The following CASR variants were observed in gnomAD, a reference collection of about 807,000 sequenced individuals.
CASR encodes extracellular calcium-sensing receptor.
A neutral mutation model predicts 69.1 loss-of-function variants in CASR; 23 were observed. The observed-to-expected ratio is 0.33, with a 90% CI of 0.24 to 0.47. CASR has a LOEUF of 0.47. Among genes scored for constraint, CASR ranks in the 20% least tolerant of loss-of-function variants. The probability of loss-of-function intolerance (pLI) is 1.00; values close to 1 mark genes in which losing one functional copy is unlikely to be tolerated. For synonymous variants in CASR, 541 were observed against 544.7 expected (o/e 0.99, Z 0.10); for missense variants, 924 against 1,356.1 (o/e 0.68, Z 5.00).
intron 1 of CASR, among the ~76,000 whole-genome samples, chr3:122,221,025 C>G (rs1173388875): frequency 6.6e-6 from 1 of 152,058 alleles, no homozygotes; most frequent in African/African-American, 2.4e-5. Context: ...CTTCATCTTG[C>G]CTTCCTCCAG....
intron 1 of CASR, among the ~76,000 whole-genome samples, chr3:122,242,555 A>G (rs1258632314): frequency 6.6e-6 from 1 of 152,134 alleles, no homozygotes; most frequent in Non-Finnish European, 1.5e-5. Context: ...TATATTCCAT[A>G]TTCATGGATT....
At chr3:122,212,463 A>G (rs536786810) in intron 1 of CASR, among the ~76,000 whole-genome samples, 27 of 152,258 alleles carry the variant, frequency 1.8e-4, no homozygotes, top group Middle Eastern at 3.4e-3. Flanking sequence ...TGGGCTTAAT[A>G]CCTAGGTGAT....
At chr3:122,208,431 T>G (rs1377841102) in intron 1 of CASR, among the ~76,000 whole-genome samples, 2 of 152,300 alleles carry the variant, frequency 1.3e-5, no homozygotes, top group African/African-American at 2.4e-5. Flanking sequence ...CTTACATGCT[T>G]GATATATTTT....
intron 4 of CASR, among the ~76,000 whole-genome samples, chr3:122,262,783 T>C (rs1404244881): frequency 6.6e-6 from 1 of 152,192 alleles, no homozygotes; most frequent in African/African-American, 2.4e-5. Context: ...TGAGTACCTA[T>C]TACATTCCAT....
intron 1 of CASR, among the ~76,000 whole-genome samples, chr3:122,196,515 G>A (rs1233685001): frequency 6.6e-6 from 1 of 151,288 alleles, no homozygotes; most frequent in East Asian, 1.9e-4. Flanking sequence ...TGGTTTTTGG[G>A]GTTTTTTGTT....
chr3:122,204,138 C>T (rs2073983928), intron 1 of CASR, among the ~76,000 whole-genome samples: 2 of 152,040 alleles, frequency 1.3e-5, no homozygotes. Context: ...TTGAAATATA[C>T]AATAGATTAT....
rs1287902533 is a variant in CASR, at chr3:122,261,840, G to T, written c.805G>T (p.Val269Phe). ...AAATTCCACGGCCAAAGTCATCGTG[G>T]TTTTCTCCAGTGGCCCAGATCTTGA... The part of the protein sequence containing the change: ...IQNSTAKVIV[V>F]FSSGPDLEPL... The change falls in exon 4 of 7, where the codon GTT becomes TTT. Residue 269 changes from valine to phenylalanine, a missense_variant. Val to Phe is a conservative substitution (Grantham distance 50, BLOSUM62 -1). Transcript: ENST00000639785. 2 of 1,614,108 alleles carry T rather than the reference G, an allele frequency of 1.2e-6. No homozygotes were observed. The highest frequency in any genetic ancestry group is 1.7e-6 in the Non-Finnish European group (2 of 1,180,050).
At chr3:122,213,266 G>A (rs1467920303) in intron 1 of CASR, among the ~76,000 whole-genome samples, 1 of 152,116 alleles carries the variant, frequency 6.6e-6, no homozygotes, top group African/African-American at 2.4e-5. Flanking sequence ...AAAACCTAGT[G>A]CATTATTGTG....
intron 1 of CASR, among the ~76,000 whole-genome samples, chr3:122,218,214 C>T (rs1477357589): frequency 2.6e-5 from 4 of 151,762 alleles, no homozygotes; most frequent in African/African-American, 9.7e-5. Flanking sequence ...TAACACAGGG[C>T]CATAGTGGTA....
intron 3 of CASR, among the ~76,000 whole-genome samples, chr3:122,259,268 ACTC>A (rs1241386258): frequency 6.6e-6 from 1 of 151,876 alleles, no homozygotes; most frequent in Non-Finnish European, 1.5e-5. Context: ...TTTTTGAAAA[ACTC>A]AAGAAGCAAG....
At chr3:122,277,797 C>T (rs139762472) in intron 5 of CASR, among the ~76,000 whole-genome samples, 16 of 152,314 alleles carry the variant, frequency 1.1e-4, no homozygotes, top group African/African-American at 3.8e-4. Flanking sequence ...CAGCAGGGAG[C>T]TATCTCCTGT....
At chr3:122,236,453 T>C (rs1267509774) in intron 1 of CASR, among the ~76,000 whole-genome samples, 1 of 152,078 alleles carries the variant, frequency 6.6e-6, no homozygotes, top group Non-Finnish European at 1.5e-5. Context: ...CCTTCAAAAA[T>C]GGGAACAAAA....
At chr3:122,201,057 T>C (rs1287825721) in intron 1 of CASR, among the ~76,000 whole-genome samples, 2 of 150,878 alleles carry the variant, frequency 1.3e-5, no homozygotes, top group Non-Finnish European at 3.0e-5. Flanking sequence ...GAGGGGGATT[T>C]GGCAGGGTCA....
At chr3:122,249,280 G>A (rs1208363164) in intron 1 of CASR, among the ~76,000 whole-genome samples, 3 of 152,182 alleles carry the variant, frequency 2.0e-5, no homozygotes, top group African/African-American at 7.2e-5. Context: ...TATTTGCTCT[G>A]TGCTCCCTCA....
At chr3:122,267,477 G>A (rs1209543954) in intron 4 of CASR, among the ~76,000 whole-genome samples, 1 of 152,186 alleles carries the variant, frequency 6.6e-6, no homozygotes, top group East Asian at 1.9e-4. Flanking sequence ...AAAATTTGTG[G>A]ATACGGAGAA....
intron 1 of CASR, among the ~76,000 whole-genome samples, chr3:122,239,343 G>A (rs1468818029): frequency 6.6e-6 from 1 of 152,250 alleles, no homozygotes; most frequent in African/African-American, 2.4e-5. Flanking sequence ...GTGGAAAGGT[G>A]AGGGAACAGT....
At chr3:122,200,135 GAC>G (rs912608549) in intron 1 of CASR, among the ~76,000 whole-genome samples, 43 of 152,038 alleles carry the variant, frequency 2.8e-4, no homozygotes, top group African/African-American at 9.9e-4. Flanking sequence ...TCAAACTCCT[GAC>G]CCCAGGTGAT....
chr3:122,244,500 TGGACAAAA>T (rs2074408510), intron 1 of CASR, among the ~76,000 whole-genome samples: 1 of 152,142 alleles, frequency 6.6e-6, no homozygotes, highest in African/African-American at 2.4e-5. Flanking sequence ...GCAAGTATGT[TGGACAAAA>T]GAAGCCAGAT....
intron 4 of CASR, among the ~76,000 whole-genome samples, chr3:122,264,430 C>T (rs1011802706): frequency 2.0e-5 from 3 of 152,234 alleles, no homozygotes; most frequent in Admixed American, 6.5e-5. Context: ...CTGATGCTAG[C>T]AGTCCTCCAG....
Sources: gnomAD v4.1 joint callset for allele counts (sites outside exome capture counted in the v4.1 genomes callset) on GRCh38, gnomAD v4.1.1 for gene constraint, MANE v1.5 for transcripts, NCBI Gene and HGNC (gene_info 2026-07-23, HGNC 2026-07-21) for gene names.